DROSHA: variants seen among roughly 807,000 people sequenced by gnomAD.
DROSHA encodes ribonuclease 3.
In DROSHA, 56 loss-of-function variants were observed where a neutral mutation model predicts 181.9. The observed-to-expected ratio is 0.31, with a 90% confidence interval of 0.25 to 0.38. The LOEUF is 0.38. Ranked by LOEUF, DROSHA falls within the 10% of genes least tolerant of loss-of-function variation. DROSHA has a pLI of 1.00. For missense variants in DROSHA, 1,218 were observed against 1,743.5 expected (o/e 0.70, Z 5.37); for synonymous variants, 524 against 591.2 (o/e 0.89, Z 1.65).
At chr5:31,525,098 A>AG (rs1454434052) in intron 5 of DROSHA, among the ~76,000 whole-genome samples, 2 of 151,992 alleles carry the variant, frequency 1.3e-5, no homozygotes, top group East Asian at 1.9e-4. Context: ...TGGGAGGCCG[A>AG]GGGGGGCTGA....
At chr5:31,407,093 G>C (rs1740739619) in intron 33 of DROSHA, 148 bp from the exon 34 acceptor site, 1 of 514,082 alleles carries the variant, frequency 1.9e-6, no homozygotes, top group Non-Finnish European at 3.2e-6. Flanking sequence ...GGTAAAAAGA[G>C]TTAAGTTTTT....
intron 13 of DROSHA, among the ~76,000 whole-genome samples, chr5:31,492,530 G>A (rs1216164839): frequency 6.6e-6 from 1 of 152,234 alleles, no homozygotes; most frequent in East Asian, 1.9e-4. Flanking sequence ...AACAGCATCT[G>A]TACTGGGTCA....
chr5:31,429,872 A>G (rs1459137685), intron 26 of DROSHA, among the ~76,000 whole-genome samples: 1 of 152,198 alleles, frequency 6.6e-6, no homozygotes, highest in Non-Finnish European at 1.5e-5. Flanking sequence ...TTAGTAAAGC[A>G]AATGTTCTGT....
At chr5:31,484,342 CCGCAG>C (rs754982372) in intron 15 of DROSHA, among the ~76,000 whole-genome samples, 8,989 of 133,056 alleles carry the variant, frequency 0.068, 552 homozygotes, top group East Asian at 0.16. Context: ...CCACTGCAGT[CCGCAG>C]TCCGGCCTGG....
chr5:31,404,734 G>A (rs1043728053), intron 35 of DROSHA, among the ~76,000 whole-genome samples: 1 of 151,874 alleles, frequency 6.6e-6, no homozygotes, highest in Non-Finnish European at 1.5e-5. Context: ...TTCAACCCAC[G>A]CATCCCACTC....
intron 20 of DROSHA, among the ~76,000 whole-genome samples, chr5:31,463,560 C>A (rs1174593608): frequency 6.6e-6 from 1 of 152,138 alleles, no homozygotes; most frequent in East Asian, 1.9e-4. Context: ...TACTGTAATT[C>A]TCATGGACTT....
chr5:31,443,262 C>A (rs1436588859), intron 23 of DROSHA, among the ~76,000 whole-genome samples: 1 of 152,020 alleles, frequency 6.6e-6, no homozygotes, highest in Non-Finnish European at 1.5e-5. Context: ...AGGTGATCCA[C>A]CCACCTCGGC....
rs1028429641 is a variant in DROSHA at position 31,522,230 on chromosome 5, C to T, written c.855-1015G>A. On this transcript the variant is annotated intron_variant, in intron 5 of 35. Transcript: ENST00000344624. ...TATACAATCCTCAGATATATACCAGCTATCCCAAATAAAGCAGCCAGAGAT... is the reference window on the plus strand; with the variant it reads ...TATACAATCCTCAGATATATACCAGTTATCCCAAATAAAGCAGCCAGAGAT... Among the ~76,000 whole-genome samples, 4 of 152,166 alleles carry T rather than the reference C, an allele frequency of 2.6e-5. No individual in the cohort carries two copies. In the East Asian group the frequency reaches 7.7e-4, roughly 29 times the overall value.
In DROSHA at chr5:31,409,408, TA is replaced by T; in HGVS notation, c.3668-77del. 1 of 1,390,594 alleles carries T rather than the reference TA, an allele frequency of 7.2e-7. No homozygotes were observed. The highest frequency in any genetic ancestry group is 2.5e-5 in the East Asian group (1 of 39,816). The allele number at this position is 1,390,594 out of a possible 1,614,324, so 86.1% of individuals were successfully genotyped here. On this transcript the variant is annotated intron_variant, in intron 31 of 35. Transcript: ENST00000344624. This position sits in a 1 kb window ranked among gnomAD's most constrained non-coding sequence, Gnocchi z 4.0. ...AGAAAGAGTAAGAGACCTAGACCTTTAAGCAAAATTTTAGTAATAGTTTCAA... is the reference window on the plus strand; with the variant it reads ...AGAAAGAGTAAGAGACCTAGACCTTTAGCAAAATTTTAGTAATAGTTTCAA...
intron 35 of DROSHA, 42 bp from the exon 36 acceptor site, chr5:31,401,604 TTAA>T (rs773785931): frequency 1.0e-5 from 13 of 1,255,626 alleles, no homozygotes; most frequent in African/African-American, 4.7e-5. Context: ...AAAATTATAT[TTAA>T]TAATCTAGTG....
intron 15 of DROSHA, among the ~76,000 whole-genome samples, chr5:31,484,441 A>T (rs1390594936): frequency 1.3e-5 from 2 of 151,272 alleles, no homozygotes; most frequent in Non-Finnish European, 2.9e-5. Context: ...GTAAGCTACT[A>T]TCCAAGAACC....
chr5:31,467,728 GAAT>G (rs1749246451), intron 18 of DROSHA: 1 of 500,320 alleles, frequency 2.0e-6, no homozygotes, highest in South Asian at 5.0e-5. Flanking sequence ...ATATTCTATT[GAAT>G]AATAGTTTCT....
intron 20 of DROSHA, among the ~76,000 whole-genome samples, chr5:31,457,123 C>CTTTTTTT (rs5867080): frequency 2.0e-5 from 2 of 99,096 alleles, no homozygotes; most frequent in Non-Finnish European, 3.6e-5. Flanking sequence ...GAAATTAAGC[C>CTTTTTTT]TTTTTTTTTT....
chr5:31,405,769 T>C, intron 34 of DROSHA, 46 bp from the exon 35 acceptor site: 1 of 643,624 alleles, frequency 1.6e-6, no homozygotes, highest in Non-Finnish European at 2.1e-6. Context: ...TCAAGATTCT[T>C]TTTTTTTTTT....
At position 31,508,768 on chromosome 5, in the gene DROSHA, G is replaced by A; in HGVS notation, c.1440C>T (p.Ser480=). ...KTKLDEDLES[S]SESECESDED... is the part of the protein sequence containing the mutation. ...CATCAGACTCACACTCGGATTCACT[G>A]GAACTCTCTAACAGGGGTTGGGAGA... is the stretch of plus-strand genomic sequence containing the variant. The change falls in exon 10 of 36, where the codon TCC becomes TCT. Residue 480 remains serine, a synonymous_variant. Transcript: ENST00000344624. 6.2e-7 allele frequency: 1 copy of A among 1,613,406 alleles called. No homozygotes were observed. Among genetic ancestry groups the A allele is most frequent in the Non-Finnish European group, 8.5e-7 (1 of 1,179,690 alleles).
At chr5:31,437,371 A>G in intron 23 of DROSHA, 73 bp from the exon 24 acceptor site, 1 of 1,038,948 alleles carries the variant, frequency 9.6e-7, no homozygotes, top group Non-Finnish European at 1.2e-6. Context: ...CCCCCGCAAG[A>G]AAAGAACACA....
intron 23 of DROSHA, 85 bp from the exon 24 acceptor site, chr5:31,437,383 G>C (rs1315335351): frequency 4.7e-5 from 56 of 1,194,294 alleles, no homozygotes; most frequent in Non-Finnish European, 3.2e-5. Flanking sequence ...AAGAACACAT[G>C]AGGGTTAGCT....
rs757854835 is a variant in DROSHA at position 31,448,589 on chromosome 5, T to G, written c.2840A>C (p.Asn947Thr). 5.6e-6 allele frequency: 9 copies of G among 1,613,446 alleles called. No homozygotes were observed. Among genetic ancestry groups the G allele is most frequent in the Non-Finnish European group, 7.6e-6 (9 of 1,179,646 alleles). ...MRKKGINTLI[N>T]IMSRLGQDDP... ...ATCTTGGCCAAGGCGTGACATGATA[T>G]TTATCAAGGTGTTAATCCCTATTTA... The change falls in exon 23 of 36, where the codon AAT becomes ACT. Residue 947 changes from asparagine (N) to threonine (T), a missense_variant. Physicochemically the swap from Asn to Thr is moderately conservative, Grantham distance 65. This residue lies in a region of DROSHA where 460 missense variants were observed against 774.2 expected (regional missense o/e 0.59). Coordinates refer to ENST00000344624, the MANE Select transcript of DROSHA (RefSeq NM_001382508.1).
chr5:31,516,217 C>T (rs953642803), intron 6 of DROSHA, among the ~76,000 whole-genome samples: 2 of 152,150 alleles, frequency 1.3e-5, no homozygotes, highest in Non-Finnish European at 2.9e-5. Context: ...GATTGCACCA[C>T]GCACTCCAGC....
Sources: allele counts gnomAD v4.1 joint callset (sites outside exome capture counted in the v4.1 genomes callset), GRCh38; gene constraint gnomAD v4.1.1; regional missense constraint gnomAD v4.1.1; non-coding constraint Gnocchi (gnomAD v3.1); transcripts MANE v1.5; gene names NCBI Gene and HGNC (gene_info 2026-07-23, HGNC 2026-07-21).